Variants in SCN1A observed in about 807,000 individuals in gnomAD.
SCN1A encodes sodium voltage-gated channel alpha subunit 1, also known as sodium channel protein type 1 subunit alpha.
A neutral mutation model predicts 193.7 loss-of-function variants in SCN1A; 13 were observed. The ratio of observed to expected loss-of-function variants is 0.07; its 90% CI spans 0.04 to 0.11. The LOEUF is 0.11. Among genes scored for constraint, SCN1A ranks in the 10% least tolerant of loss-of-function variants. SCN1A has a pLI of 1.00. For synonymous variants in SCN1A, 781 were observed against 843.6 expected, an observed-to-expected ratio of 0.93 and a Z score of 1.29; for missense variants, 1,432 against 2,451.1, an observed-to-expected ratio of 0.58 and a Z score of 8.78.
chr2:166,002,224 CAAAGA>C (rs910987987), intron 24 of SCN1A, among the ~76,000 whole-genome samples: 12 of 151,296 alleles, frequency 7.9e-5, no homozygotes, highest in African/African-American at 2.9e-4. Flanking sequence ...AATATAGAAA[CAAAGA>C]AAATACAAGA....
Position 166,120,804 on chromosome 2 carries a change from C to T in SCN1A, c.-142+6120G>A, listed in dbSNP as rs568656787. The stretch of plus-strand genomic sequence containing the variant: ...AATTTTTTTGTATTTTTAGTAGAGA[C>T]GGGGTTTCACCATGTTGGCCAGGCT... On this transcript the variant is annotated intron_variant, in intron 2 of 28. Transcript: ENST00000674923. Among the ~76,000 whole-genome samples, 36 of 151,184 alleles carry T rather than the reference C, an allele frequency of 2.4e-4. 1 individual carries two copies. Among genetic ancestry groups the T allele is most frequent in the African/African-American group, 6.8e-4 (28 of 41,240 alleles).
intron 2 of SCN1A, among the ~76,000 whole-genome samples, chr2:166,092,304 C>T (rs540400284): frequency 6.6e-6 from 1 of 152,174 alleles, no homozygotes; most frequent in East Asian, 1.9e-4. Context: ...GTTTAAACTG[C>T]TTGTCCAGGT....
At chr2:166,105,497 C>A (rs1310504549) in intron 2 of SCN1A, among the ~76,000 whole-genome samples, 2 of 152,184 alleles carry the variant, frequency 1.3e-5, no homozygotes, top group Non-Finnish European at 2.9e-5. Context: ...TTAAAATAAT[C>A]ATCACGTATT....
At chr2:165,995,746 T>C (rs916792834) in intron 27 of SCN1A, among the ~76,000 whole-genome samples, 5 of 151,766 alleles carry the variant, frequency 3.3e-5, no homozygotes, top group South Asian at 2.1e-4. Flanking sequence ...TATGTGTCCA[T>C]TGGCCAATTA....
chr2:166,143,555 G>C (rs1353004983), intron 1 of SCN1A, among the ~76,000 whole-genome samples: 5 of 152,152 alleles, frequency 3.3e-5, no homozygotes, highest in Admixed American at 3.3e-4. Flanking sequence ...AAACAAAAAT[G>C]TTGAGACCTT....
upstream of SCN1A, among the ~76,000 whole-genome samples, chr2:166,129,892 A>AT (rs1691583273): frequency 6.6e-6 from 1 of 152,058 alleles, no homozygotes; most frequent in Non-Finnish European, 1.5e-5. Context: ...GCTACAGAGG[A>AT]CTGGAGCAAG....
chr2:166,086,646 T>C (rs1481533665), intron 2 of SCN1A, among the ~76,000 whole-genome samples: 2 of 152,200 alleles, frequency 1.3e-5, no homozygotes, highest in Non-Finnish European at 2.9e-5. Context: ...AAGGTCACTC[T>C]GCAGGCTGCA....
chr2:165,996,449 CT>C, intron 26 of SCN1A: 1 of 215,622 alleles, frequency 4.6e-6, no homozygotes, highest in South Asian at 6.7e-5. Flanking sequence ...GTACCTTATA[CT>C]ATACATACTA....
chr2:166,102,531 A>T (rs1688217563), intron 2 of SCN1A, among the ~76,000 whole-genome samples: 2 of 149,480 alleles, frequency 1.3e-5, no homozygotes, highest in Admixed American at 1.3e-4. Context: ...AAAGAAAAAA[A>T]AAAAGTCAGA....
intron 2 of SCN1A, among the ~76,000 whole-genome samples, chr2:166,093,466 G>T (rs1203376342): frequency 1.3e-5 from 2 of 152,022 alleles, no homozygotes; most frequent in Non-Finnish European, 1.5e-5. Context: ...AACCTCCTGA[G>T]TAGCTGGGAC....
intron 6 of SCN1A, 67 bp from the exon 7 acceptor site, chr2:166,054,833 T>A: frequency 1.4e-6 from 2 of 1,432,748 alleles, no homozygotes; most frequent in South Asian, 2.3e-5. Flanking sequence ...CAATTTCTTA[T>A]CACTCCATCA....
intron 2 of SCN1A, among the ~76,000 whole-genome samples, chr2:166,080,682 GA>G (rs1189777596): frequency 2.1e-4 from 31 of 151,166 alleles, no homozygotes; most frequent in East Asian, 3.9e-4. Flanking sequence ...GATCATGGGG[GA>G]AAAAAAAGAT....
intron 2 of SCN1A, among the ~76,000 whole-genome samples, chr2:166,095,651 T>C (rs889372247): frequency 1.3e-5 from 2 of 152,196 alleles, no homozygotes; most frequent in African/African-American, 4.8e-5. Flanking sequence ...CATCCTGTTA[T>C]TTGTATAGTT....
chr2:166,031,704 TAAC>T (rs1435980017), intron 19 of SCN1A, among the ~76,000 whole-genome samples: 1 of 152,126 alleles, frequency 6.6e-6, no homozygotes, highest in Non-Finnish European at 1.5e-5. Flanking sequence ...ATGCAACTGG[TAAC>T]AATAATAATG....
intron 1 of SCN1A, among the ~76,000 whole-genome samples, chr2:166,136,317 A>T (rs1277967738): frequency 6.6e-6 from 1 of 152,148 alleles, no homozygotes; most frequent in Non-Finnish European, 1.5e-5. Context: ...CAACTAAGCA[A>T]ACATAGAATG....
intron 2 of SCN1A, among the ~76,000 whole-genome samples, chr2:166,080,222 G>A (rs902367092): frequency 5.3e-5 from 8 of 151,492 alleles, no homozygotes; most frequent in Non-Finnish European, 1.2e-4. Flanking sequence ...CACTAGATAC[G>A]GGGTAGTAAC....
At chr2:166,114,664 A>G (rs1170685309) in intron 2 of SCN1A, among the ~76,000 whole-genome samples, 1 of 152,220 alleles carries the variant, frequency 6.6e-6, no homozygotes, top group Non-Finnish European at 1.5e-5. Context: ...TTACTTCAAA[A>G]GTAATGATGC....
intron 16 of SCN1A, among the ~76,000 whole-genome samples, chr2:166,040,539 CA>C (rs2105823928): frequency 6.6e-6 from 1 of 152,268 alleles, no homozygotes; most frequent in South Asian, 2.1e-4. Flanking sequence ...TCCTAAACTT[CA>C]AACCAAATAT....
At chr2:166,043,544 A>G in intron 14 of SCN1A, 125 bp downstream of exon 14, 4 of 1,029,442 alleles carry the variant, frequency 3.9e-6, no homozygotes, top group Non-Finnish European at 5.5e-6. Flanking sequence ...AAGATATTAC[A>G]AGATGCAGGT....
Sources: gnomAD v4.1 joint callset for allele counts (sites outside exome capture counted in the v4.1 genomes callset) on GRCh38, gnomAD v4.1.1 for gene constraint, MANE v1.5 for transcripts, NCBI Gene and HGNC (gene_info 2026-07-23, HGNC 2026-07-21) for gene names.